Variants in CD2AP observed in about 807,000 individuals in gnomAD.
CD2AP encodes CD2-associated protein.
Under a neutral mutation model 85.1 loss-of-function variants are expected in CD2AP, and 46 were observed. The ratio of observed to expected loss-of-function variants is 0.54; its 90% confidence interval spans 0.43 to 0.69. The LOEUF (loss-of-function observed/expected upper bound fraction) is 0.69, where lower values mean the gene tolerates loss of function less well. CD2AP is among the 30% of genes least tolerant of loss of function. CD2AP has a pLI of 0.00. For synonymous variants in CD2AP, 255 were observed against 252.9 expected, an observed-to-expected ratio of 1.01 and a Z score of -0.08; for missense variants, 769 against 729.5, an observed-to-expected ratio of 1.05 and a Z score of -0.62.
rs200998882 is a variant in CD2AP at position 47,495,826 on chromosome 6, GT to G, written c.5-7449del. On this transcript the variant is annotated intron_variant, in intron 1 of 17. Transcript: ENST00000359314. ...GTTCTTTCTCCCCACAATTTTTGGC[GT>G]TTTTATGCTTTTTCTGTTATTTTAG... Among the ~76,000 whole-genome samples, 17 of 152,154 alleles carry G rather than the reference GT, an allele frequency of 1.1e-4. No individual in the cohort carries two copies. In the East Asian group the frequency reaches 3.3e-3, roughly 29 times the overall value.
intron 13 of CD2AP, among the ~76,000 whole-genome samples, chr6:47,600,000 T>C (rs1769086764): frequency 6.6e-6 from 1 of 151,916 alleles, no homozygotes; most frequent in Non-Finnish European, 1.5e-5. Context: ...CCTATTATTA[T>C]TTGTAAAATG....
intron 11 of CD2AP, among the ~76,000 whole-genome samples, chr6:47,592,123 A>G (rs533091703): frequency 1.3e-5 from 2 of 152,270 alleles, no homozygotes; most frequent in East Asian, 3.9e-4. Context: ...GGCATGAGCC[A>G]CTGCACCCAG....
chr6:47,496,985 CCT>C (rs1471967970), intron 1 of CD2AP, among the ~76,000 whole-genome samples: 1 of 152,072 alleles, frequency 6.6e-6, no homozygotes, highest in African/African-American at 2.4e-5. Context: ...TACGAACCTC[CCT>C]CTCTCAATTC....
At chr6:47,570,738 C>G (rs1334177107) in intron 5 of CD2AP, among the ~76,000 whole-genome samples, 1 of 152,052 alleles carries the variant, frequency 6.6e-6, no homozygotes, top group African/African-American at 2.4e-5. Context: ...TGTGAAGTTC[C>G]CCATTTTACA....
Position 47,598,539 on chromosome 6 carries a change from G to GTA in CD2AP, c.1275-751_1275-750dup, listed in dbSNP as rs538892574. Among the ~76,000 whole-genome samples, 84 of 150,578 alleles carry GTA rather than the reference G, an allele frequency of 5.6e-4. 2 individuals are homozygous for GTA. Among genetic ancestry groups the GTA allele is most frequent in the South Asian group, 1.3e-3 (6 of 4,768 alleles). ...TCAACGAGTGAATAAAGAAATTGTG[G>GTA]TATATATATATACCATGGAATACTA... On this transcript the variant is annotated intron_variant, in intron 12 of 17. Transcript: ENST00000359314.
At chr6:47,481,103 T>G (rs1765431439) in intron 1 of CD2AP, among the ~76,000 whole-genome samples, 1 of 152,192 alleles carries the variant, frequency 6.6e-6, no homozygotes. Context: ...CTTATTTTTC[T>G]TATTCCAAAA....
chr6:47,551,107 A>G (rs1001224702), intron 4 of CD2AP, among the ~76,000 whole-genome samples: 24 of 152,156 alleles, frequency 1.6e-4, no homozygotes, highest in African/African-American at 4.8e-4. Flanking sequence ...TGATGGGTGC[A>G]CCAGAATCTC....
At chr6:47,552,803 A>G (rs1386457377) in intron 4 of CD2AP, among the ~76,000 whole-genome samples, 1 of 152,136 alleles carries the variant, frequency 6.6e-6, no homozygotes, top group Non-Finnish European at 1.5e-5. Context: ...TAAGTCTGAT[A>G]AAAATTCTGG....
At chr6:47,565,220 G>C (rs949196156) in intron 5 of CD2AP, among the ~76,000 whole-genome samples, 3 of 152,072 alleles carry the variant, frequency 2.0e-5, no homozygotes, top group African/African-American at 7.2e-5. Context: ...TTCTGTTACT[G>C]AGTGGTTTCT....
chr6:47,532,131 T>C (rs1331140797), intron 2 of CD2AP, among the ~76,000 whole-genome samples: 1 of 152,050 alleles, frequency 6.6e-6, no homozygotes, highest in East Asian at 1.9e-4. Flanking sequence ...AATACTTTTA[T>C]AATCATAAGA....
chr6:47,592,143 T>C (rs1042485029), intron 11 of CD2AP, among the ~76,000 whole-genome samples: 1 of 152,172 alleles, frequency 6.6e-6, no homozygotes, highest in Non-Finnish European at 1.5e-5. Flanking sequence ...GCCTGTGTCT[T>C]AAATTATCAT....
intron 4 of CD2AP, 150 bp from the exon 5 acceptor site, chr6:47,554,496 A>G (rs972935535): frequency 4.0e-5 from 28 of 701,716 alleles, no homozygotes; most frequent in African/African-American, 2.9e-4. Flanking sequence ...CACTTAAAAT[A>G]TATTTTCTTC....
At chr6:47,521,038 A>C (rs1266541743) in intron 2 of CD2AP, among the ~76,000 whole-genome samples, 3 of 151,962 alleles carry the variant, frequency 2.0e-5, no homozygotes, top group African/African-American at 7.3e-5. Flanking sequence ...CCTTCTTTTC[A>C]AAATTTAATT....
At chr6:47,489,864 T>G (rs1765679305) in intron 1 of CD2AP, among the ~76,000 whole-genome samples, 1 of 152,172 alleles carries the variant, frequency 6.6e-6, no homozygotes, top group Non-Finnish European at 1.5e-5. Context: ...AATATGACCT[T>G]CAGACTCTCC....
At chr6:47,600,152 C>T (rs983101358) in intron 13 of CD2AP, among the ~76,000 whole-genome samples, 2 of 151,766 alleles carry the variant, frequency 1.3e-5, no homozygotes, top group African/African-American at 4.8e-5. Flanking sequence ...AGCACTTTCT[C>T]ATGTATGTTC....
intron 17 of CD2AP, 65 bp downstream of exon 17, chr6:47,612,601 A>G: frequency 1.8e-6 from 2 of 1,109,634 alleles, no homozygotes; most frequent in South Asian, 2.6e-5. Flanking sequence ...TTCCCAACCC[A>G]ACTGGGTAAT....
intron 7 of CD2AP, 30 bp downstream of exon 7, chr6:47,576,632 G>C: frequency 7.0e-7 from 1 of 1,427,768 alleles, no homozygotes; most frequent in Non-Finnish European, 9.9e-7. Context: ...TTTCATATTG[G>C]GAATAGTAGA....
intron 1 of CD2AP, chr6:47,489,169 T>G (rs928590425): frequency 1.7e-4 from 4 of 23,526 alleles, no homozygotes; most frequent in Middle Eastern, 0.042. Context: ...AACTAGTTTT[T>G]TTTTTTTTTT....
In CD2AP at chr6:47,610,971, A is replaced by ATATATATATATATATATATT; in HGVS notation, c.1815-1501_1815-1500insATATATATATATATATATTT. 4.8e-3 allele frequency among the ~76,000 whole-genome samples: 546 copies of ATATATATATATATATATATT among 112,738 alleles called. 4 individuals carry two copies. Among genetic ancestry groups the ATATATATATATATATATATT allele is most frequent in the Non-Finnish European group, 7.3e-3 (405 of 55,822 alleles). The allele number at this position is 112,738 out of a possible 152,430, so 74.0% of individuals were successfully genotyped here. The stretch of plus-strand genomic sequence containing the variant: ...GATTTATATATATATATATATATGT[A>ATATATATATATATATATATT]TTTTTTTTTTTTTTTGAATATAAAA... On this transcript the variant is annotated intron_variant, in intron 16 of 17. Coordinates refer to ENST00000359314, the MANE Select transcript of CD2AP (RefSeq NM_012120.3).
Sources: gnomAD v4.1 joint callset for allele counts (sites outside exome capture counted in the v4.1 genomes callset) on GRCh38, gnomAD v4.1.1 for gene constraint, MANE v1.5 for transcripts, NCBI Gene and HGNC (gene_info 2026-07-23, HGNC 2026-07-21) for gene names.